USP7: variants seen among roughly 807,000 people sequenced by gnomAD.
The protein encoded by USP7 is ubiquitin specific peptidase 7.
A neutral mutation model predicts 162.9 loss-of-function variants in USP7; 9 were observed. The observed-to-expected ratio is 0.06, with a 90% CI of 0.03 to 0.10. The LOEUF (loss-of-function observed/expected upper bound fraction) is 0.10, where lower values mean the gene tolerates loss of function less well. Among genes scored for constraint, USP7 ranks in the 10% least tolerant of loss-of-function variants. The pLI is 1.00. For missense variants in USP7, 715 were observed against 1,373.7 expected, an observed-to-expected ratio of 0.52 and a Z score of 7.58; for synonymous variants, 562 against 475.9, an observed-to-expected ratio of 1.18 and a Z score of -2.35.
intron 10 of USP7, among the ~76,000 whole-genome samples, chr16:8,911,876 T>C (rs2061951930): frequency 6.6e-6 from 1 of 152,120 alleles, no homozygotes; most frequent in African/African-American, 2.4e-5. Flanking sequence ...GGGAACAACC[T>C]TCAGAGCTCA....
intron 5 of USP7, 93 bp downstream of exon 5, chr16:8,920,265 TA>T: frequency 1.8e-6 from 2 of 1,088,262 alleles, no homozygotes; most frequent in Non-Finnish European, 1.4e-6. Context: ...GCTTACTGAT[TA>T]AATATGTGCA....
chr16:8,917,232 T>G lies in USP7; in HGVS notation c.721-76A>C, dbSNP rs539367946. On this transcript the variant is annotated intron_variant, in intron 6 of 30. Transcript: ENST00000344836. ...TTTAAAAAACAGTAAGAATTTAATC[T>G]TCATGTTTAAAAAAATCATTTCTAA... The G allele has an allele frequency of 9.5e-6, 14 of 1,468,702 alleles. No homozygotes were observed. The South Asian group carries it at 1.7e-4, about 18-fold the overall frequency. The allele number at this position is 1,468,702 out of a possible 1,614,324, so 91.0% of individuals were successfully genotyped here. A position where few individuals can be genotyped will look rare whatever the true frequency, so the allele number is the denominator to read the frequency against.
rs1252817527 is a variant in USP7 at position 8,893,317 on chromosome 16, A to G, written c.*681T>C. 6.6e-6 allele frequency: 1 copy of G among 152,262 alleles called. No individual in the cohort carries two copies. Among genetic ancestry groups the G allele is most frequent in the Non-Finnish European group, 1.5e-5 (1 of 68,082 alleles). The allele number at this position is 152,262 out of a possible 1,614,324, so 9.4% of individuals were successfully genotyped here. A position where few individuals can be genotyped will look rare whatever the true frequency, so the allele number is the denominator to read the frequency against. On this transcript the variant is annotated 3_prime_UTR_variant, in exon 31 of 31. Transcript: ENST00000344836. Reference sequence around the variant, plus strand: ...AGAGTAAACCTTAATTGAATTTAACAATGTTCTTGATTTAATAAAAAGACC... The same window carrying G: ...AGAGTAAACCTTAATTGAATTTAACGATGTTCTTGATTTAATAAAAAGACC...
Position 8,956,635 on chromosome 16 carries a change from G to A in USP7, c.79+6572C>T, listed in dbSNP as rs796726972. Among the ~76,000 whole-genome samples the A allele has an allele frequency of 9.9e-5, 15 of 152,220 alleles. No individual in the cohort carries two copies. In the South Asian group the frequency reaches 1.9e-3, roughly 19 times the overall value. On this transcript the variant is annotated intron_variant, in intron 1 of 30. Transcript: ENST00000344836. Reference sequence around the variant, plus strand: ...AAAAATTAGCCGGGCATGGTAGCGTGTGCCTGTAGTCCAGCTACTCGGGAG... The same window carrying A: ...AAAAATTAGCCGGGCATGGTAGCGTATGCCTGTAGTCCAGCTACTCGGGAG...
At chr16:8,953,521 T>C (rs9931153) in intron 1 of USP7, among the ~76,000 whole-genome samples, 21,941 of 110,414 alleles carry the variant, frequency 0.2, 3,127 homozygotes, top group African/African-American at 0.4. Context: ...GCGGTGCCAC[T>C]GGAAGCAGAG....
At chr16:8,921,481 C>T (rs1007687025) in intron 3 of USP7, among the ~76,000 whole-genome samples, 186 bp from the exon 4 acceptor site, 4 of 152,204 alleles carry the variant, frequency 2.6e-5, no homozygotes, top group African/African-American at 9.6e-5. Context: ...GTTTGGGGCT[C>T]CCCCAGTGTA....
At chr16:8,917,493 C>T (rs1897438823) in intron 6 of USP7, among the ~76,000 whole-genome samples, 2 of 152,316 alleles carry the variant, frequency 1.3e-5, no homozygotes, top group Non-Finnish European at 2.9e-5. Context: ...ATTCTCCTGC[C>T]TCAGCCTCCC....
At chr16:8,915,629 A>G (rs1897331366) in intron 8 of USP7, 104 bp from the exon 9 acceptor site, 1 of 1,047,750 alleles carries the variant, frequency 9.5e-7, no homozygotes, top group Non-Finnish European at 1.4e-6. Context: ...GAAGTTGTAG[A>G]CTATAAAAAT....
At chr16:8,940,280 CTAACCA>C (rs1182750121) in intron 1 of USP7, among the ~76,000 whole-genome samples, 2 of 152,224 alleles carry the variant, frequency 1.3e-5, no homozygotes, top group Admixed American at 1.3e-4. Flanking sequence ...CTGCAAGTAG[CTAACCA>C]TGCTTTGTCC....
chr16:8,901,928 T>A, intron 18 of USP7, 154 bp downstream of exon 18: 2 of 679,144 alleles, frequency 2.9e-6, no homozygotes, highest in Non-Finnish European at 4.9e-6. Flanking sequence ...GTCAGTCTTA[T>A]TTGACTTCAT....
intron 1 of USP7, 179 bp downstream of exon 1, chr16:8,963,027 GC>G: frequency 2.4e-6 from 1 of 408,800 alleles, no homozygotes; most frequent in South Asian, 1.1e-4. Flanking sequence ...GCCGCCCCTC[GC>G]CCGCGGACCC....
At chr16:8,944,810 G>A (rs934970936) in intron 1 of USP7, among the ~76,000 whole-genome samples, 2 of 152,124 alleles carry the variant, frequency 1.3e-5, no homozygotes, top group African/African-American at 2.4e-5. Context: ...AAGGTATTTT[G>A]AAAAGTTCCT....
chr16:8,959,024 C>A (rs1596420341), intron 1 of USP7, among the ~76,000 whole-genome samples: 1 of 152,172 alleles, frequency 6.6e-6, no homozygotes, highest in Non-Finnish European at 1.5e-5. Context: ...CATAGTGTCA[C>A]ATTTTCTTGG....
Position 8,908,463 on chromosome 16 carries a change from A to C in USP7, c.1162-13T>G, listed in dbSNP as rs756698302. On this transcript the variant is annotated splice_polypyrimidine_tract_variant and intron_variant, in intron 11 of 30. Coordinates refer to ENST00000344836, the MANE Select transcript of USP7 (RefSeq NM_003470.3). Reference sequence around the variant, plus strand: ...CTTTCTCTGCTTCCTAAACATTGAAAAACAAATGCAAATGTAGTTAGCCTC... The same window carrying C: ...CTTTCTCTGCTTCCTAAACATTGAACAACAAATGCAAATGTAGTTAGCCTC... 3 of 1,600,082 alleles carry C rather than the reference A, an allele frequency of 1.9e-6. No individual in the cohort carries two copies. Among genetic ancestry groups the C allele is most frequent in the Non-Finnish European group, 2.6e-6 (3 of 1,172,748 alleles).
intron 1 of USP7, chr16:8,962,702 C>T (rs1012732379): frequency 4.2e-5 from 8 of 189,948 alleles, no homozygotes; most frequent in African/African-American, 1.6e-4. Context: ...AACGTAAGCC[C>T]GACGCTAGGC....
At chr16:8,899,038 A>G in intron 23 of USP7, 83 bp downstream of exon 23, 1 of 1,429,232 alleles carries the variant, frequency 7.0e-7, no homozygotes, top group Non-Finnish European at 9.8e-7. Context: ...CGAGCTAATT[A>G]TTAAAATTAG....
chr16:8,936,923 A>C (rs922336993), intron 1 of USP7, among the ~76,000 whole-genome samples: 2 of 152,206 alleles, frequency 1.3e-5, no homozygotes, highest in Non-Finnish European at 2.9e-5. Flanking sequence ...CACTGTATCA[A>C]ACACTGGTGA....
intron 2 of USP7, among the ~76,000 whole-genome samples, chr16:8,926,702 C>T (rs1898020913): frequency 6.6e-6 from 1 of 152,208 alleles, no homozygotes; most frequent in South Asian, 2.1e-4. Context: ...CACCCACATT[C>T]ACTGCAAAAT....
chr16:8,932,489 C>G (rs1898417375), intron 1 of USP7, among the ~76,000 whole-genome samples: 1 of 152,056 alleles, frequency 6.6e-6, no homozygotes, highest in Non-Finnish European at 1.5e-5. Context: ...GACAGAAATA[C>G]TGTGGAAGGG....
Sources: gnomAD v4.1 joint callset for allele counts (sites outside exome capture counted in the v4.1 genomes callset) on GRCh38, gnomAD v4.1.1 for gene constraint, MANE v1.5 for transcripts, NCBI Gene and HGNC (gene_info 2026-07-23, HGNC 2026-07-21) for gene names.